The following DHRS7B variants were observed in gnomAD, a reference collection of about 807,000 sequenced individuals.
DHRS7B encodes the protein dehydrogenase/reductase 7B.
In DHRS7B, 24 loss-of-function variants were observed where a neutral mutation model predicts 26.4. The observed-to-expected ratio is 0.91, with a 90% CI of 0.66 to 1.28. DHRS7B has a LOEUF of 1.28. Among genes scored for constraint, DHRS7B ranks in the 50% most tolerant of loss-of-function variants. The probability of loss-of-function intolerance (pLI) is 0.00; values close to 1 mark genes in which losing one functional copy is unlikely to be tolerated. For missense variants in DHRS7B, 368 were observed against 419.4 expected (o/e 0.88, Z 1.07); for synonymous variants, 142 against 166.4 (o/e 0.85, Z 1.13).
chr17:21,164,217 G>A (rs927411163), intron 1 of DHRS7B, among the ~76,000 whole-genome samples: 4 of 151,034 alleles, frequency 2.6e-5, no homozygotes, highest in Admixed American at 1.3e-4. Flanking sequence ...TTTTTATACA[G>A]ACGGGGTCTC....
At chr17:21,153,393 G>A (rs1439369926) in intron 1 of DHRS7B, among the ~76,000 whole-genome samples, 1 of 152,026 alleles carries the variant, frequency 6.6e-6, no homozygotes, top group East Asian at 1.9e-4. Context: ...AAATATCCAA[G>A]AAATGTGAGA....
intron 5 of DHRS7B, among the ~76,000 whole-genome samples, chr17:21,187,288 C>T (rs764227997): frequency 3.3e-5 from 5 of 151,644 alleles, no homozygotes; most frequent in Non-Finnish European, 1.5e-5. Flanking sequence ...ATGATCATAG[C>T]TCTACTCCAG....
intron 1 of DHRS7B, among the ~76,000 whole-genome samples, chr17:21,143,036 C>G (rs776328024): frequency 1.5e-4 from 23 of 152,246 alleles, no homozygotes; most frequent in Non-Finnish European, 3.1e-4. Context: ...TCAAGTGATT[C>G]TCTTGCCTCA....
At position 21,182,249 on chromosome 17, in the gene DHRS7B, T is replaced by C. The variant is rs546431721; in HGVS notation, c.310-1345T>C. Reference sequence around the variant, plus strand: ...ATATTATAATGTTCAATTTTCTTTTTTTTCTTTCTTTTTTTGAGAAGGAGT... The same window carrying C: ...ATATTATAATGTTCAATTTTCTTTTCTTTCTTTCTTTTTTTGAGAAGGAGT... On this transcript the variant is annotated intron_variant, in intron 3 of 6. Transcript: ENST00000395511. Among the ~76,000 whole-genome samples, 4 of 152,310 alleles carry C rather than the reference T, an allele frequency of 2.6e-5. No individual in the cohort carries two copies. In the East Asian group the frequency reaches 5.8e-4, roughly 22 times the overall value.
intron 1 of DHRS7B, chr17:21,166,515 A>C: frequency 1.0e-6 from 1 of 972,308 alleles, no homozygotes; most frequent in Non-Finnish European, 1.2e-6. Flanking sequence ...GGCGGCCTTA[A>C]TGTGGCTTCT....
intron 1 of DHRS7B, among the ~76,000 whole-genome samples, chr17:21,153,397 T>C (rs1003452995): frequency 1.2e-4 from 18 of 151,892 alleles, no homozygotes; most frequent in Non-Finnish European, 2.5e-4. Flanking sequence ...ATCCAAGAAA[T>C]GTGAGATAAC....
chr17:21,186,222 CTAAAG>C (rs1282142587), intron 5 of DHRS7B, among the ~76,000 whole-genome samples: 2 of 152,186 alleles, frequency 1.3e-5, no homozygotes, highest in Non-Finnish European at 2.9e-5. Flanking sequence ...TGTCACACTG[CTAAAG>C]TAAAGACCAA....
At chr17:21,179,399 A>G (rs761943943) in intron 3 of DHRS7B, among the ~76,000 whole-genome samples, 38 of 152,086 alleles carry the variant, frequency 2.5e-4, no homozygotes, top group Admixed American at 4.6e-4. Context: ...CAGGAGTTTG[A>G]GACCAGCCTG....
chr17:21,129,704 CAAAAAAA>C (rs61077377), intron 1 of DHRS7B, among the ~76,000 whole-genome samples: 4 of 74,780 alleles, frequency 5.3e-5, no homozygotes, highest in African/African-American at 1.9e-4. Flanking sequence ...GACCCTGACT[CAAAAAAA>C]AAAAAAAAAA....
At position 21,161,447 on chromosome 17, in the gene DHRS7B, A is replaced by G. The variant is rs570416100; in HGVS notation, c.21-10571A>G. On this transcript the variant is annotated intron_variant, in intron 1 of 6. Coordinates refer to ENST00000395511, the MANE Select transcript of DHRS7B (RefSeq NM_015510.5). ...TACATGAAATTCTGTATCTAAAACT[A>G]TCCTTCAAAATTGAAGGTAAGATAA... Among the ~76,000 whole-genome samples the G allele has an allele frequency of 5.3e-5, 8 of 152,344 alleles. No individual in the cohort carries two copies. The South Asian group carries it at 1.4e-3, about 28-fold the overall frequency.
intron 1 of DHRS7B, among the ~76,000 whole-genome samples, chr17:21,160,022 C>G (rs571593906): frequency 3.4e-4 from 52 of 152,198 alleles, no homozygotes; most frequent in Non-Finnish European, 6.6e-4. Flanking sequence ...GAGTTCAAGA[C>G]CAGCCTGGCC....
At chr17:21,139,965 A>G (rs1973453571) in intron 1 of DHRS7B, among the ~76,000 whole-genome samples, 2 of 151,274 alleles carry the variant, frequency 1.3e-5, no homozygotes, top group African/African-American at 4.9e-5. Flanking sequence ...GCATGCCAAT[A>G]GAAGTACATT....
At chr17:21,127,116 GCGGCTTC>G (rs1490717374) in intron 1 of DHRS7B, 125 bp downstream of exon 1, 130 of 1,059,298 alleles carry the variant, frequency 1.2e-4, no homozygotes, top group Non-Finnish European at 1.6e-4. Flanking sequence ...CGGGCCCTGG[GCGGCTTC>G]CGGATCCCCG....
intron 1 of DHRS7B, among the ~76,000 whole-genome samples, chr17:21,145,561 G>T (rs1214582701): frequency 6.6e-6 from 1 of 152,198 alleles, no homozygotes; most frequent in South Asian, 2.1e-4. Context: ...TGGATAAGGA[G>T]AGATAAAGAA....
At position 21,191,242 on chromosome 17, in the gene DHRS7B, A is replaced by C; in HGVS notation, c.*89A>C. 1 of 1,340,520 alleles carries C rather than the reference A, an allele frequency of 7.5e-7. No individual in the cohort carries two copies. Among genetic ancestry groups the C allele is most frequent in the Non-Finnish European group, 1.0e-6 (1 of 953,546 alleles). 83.0% of individuals were successfully genotyped at this position (1,340,520 alleles called of 1,614,324 possible). On this transcript the variant is annotated 3_prime_UTR_variant, in exon 7 of 7. Transcript: ENST00000395511. ...GACAGTTGCATTTGTTGAGACTTTA[A>C]TGGAGATTTGTCTCACAAGTGGGAA...
chr17:21,183,569 A>G, intron 3 of DHRS7B, 25 bp from the exon 4 acceptor site: 1 of 1,609,482 alleles, frequency 6.2e-7, no homozygotes, highest in Non-Finnish European at 8.5e-7. Flanking sequence ...CAGAAAGTGA[A>G]TTTGTATCTG....
chr17:21,163,057 G>T (rs1407231424), intron 1 of DHRS7B, among the ~76,000 whole-genome samples: 1 of 151,952 alleles, frequency 6.6e-6, no homozygotes, highest in Non-Finnish European at 1.5e-5. Flanking sequence ...TTAGCTGGTT[G>T]TGGTGGCGGG....
At chr17:21,185,012 A>G (rs1305571935) in intron 5 of DHRS7B, among the ~76,000 whole-genome samples, 1 of 152,232 alleles carries the variant, frequency 6.6e-6, no homozygotes, top group Non-Finnish European at 1.5e-5. Flanking sequence ...AATCCATTGA[A>G]TGAGTGTGAC....
In DHRS7B at chr17:21,191,408, T is replaced by C; in HGVS notation, c.*255T>C. ...TAACACTAAAAACTAGAAATAAACATCTCAAACAGTAAGAGTTGTAGTCTT... is the reference window on the plus strand; with the variant it reads ...TAACACTAAAAACTAGAAATAAACACCTCAAACAGTAAGAGTTGTAGTCTT... On this transcript the variant is annotated 3_prime_UTR_variant, in exon 7 of 7. Coordinates refer to ENST00000395511, the MANE Select transcript of DHRS7B (RefSeq NM_015510.5). 2.1e-6 allele frequency: 1 copy of C among 487,140 alleles called. No individual in the cohort carries two copies. 30.2% of individuals were successfully genotyped at this position (487,140 alleles called of 1,614,324 possible). A position where few individuals can be genotyped will look rare whatever the true frequency, so the allele number is the denominator to read the frequency against.
Sources: allele counts gnomAD v4.1 joint callset (sites outside exome capture counted in the v4.1 genomes callset), GRCh38; gene constraint gnomAD v4.1.1; transcripts MANE v1.5; gene names NCBI Gene and HGNC (gene_info 2026-07-23, HGNC 2026-07-21).